ZNF365: variants seen among roughly 807,000 people sequenced by gnomAD.
ZNF365 encodes zinc finger protein 365, also known as protein ZNF365.
Under a neutral mutation model 35.0 loss-of-function variants are expected in ZNF365, and 22 were observed. That is an observed-to-expected ratio of 0.63 (90% CI 0.45 to 0.90). ZNF365 has a LOEUF of 0.90. Among genes scored for constraint, ZNF365 ranks in the 40% least tolerant of loss-of-function variants. The probability of loss-of-function intolerance (pLI) is 0.00; values close to 1 mark genes in which losing one functional copy is unlikely to be tolerated. For synonymous variants in ZNF365, 188 were observed against 196.2 expected (o/e 0.96, Z 0.35); for missense variants, 448 against 500.3 (o/e 0.90, Z 1.00).
intron 4 of ZNF365, among the ~76,000 whole-genome samples, chr10:62,462,743 G>A (rs944732839): frequency 3.3e-5 from 5 of 152,100 alleles, no homozygotes; most frequent in Admixed American, 3.3e-4. Flanking sequence ...TTGGTGGGCT[G>A]GTTACTCAGA....
rs1017674019 is a variant in ZNF365 at position 62,376,342 on chromosome 10, G to A, written c.149G>A (p.Ser50Asn). The change falls in exon 2 of 5, where the codon AGT (serine) becomes AAT (asparagine). Residue 50 changes from serine (S) to asparagine (N), a missense_variant. Physicochemically the swap from Ser to Asn is conservative, Grantham distance 46. Transcript: ENST00000395254. Reference sequence around the variant, plus strand: ...TCCTTGAGGGCCCATCTGGAGTTCAGTCACAGCTACGAAGAAAGAACCCTC... The same window carrying A: ...TCCTTGAGGGCCCATCTGGAGTTCAATCACAGCTACGAAGAAAGAACCCTC... ...LSSLRAHLEF[S>N]HSYEERTLLT... The A allele has an allele frequency of 1.9e-6, 3 of 1,614,050 alleles. No individual in the cohort carries two copies. The highest frequency in any genetic ancestry group is 1.7e-5 in the Admixed American group (1 of 59,996).
chr10:62,383,607 G>A (rs754561051), intron 2 of ZNF365, among the ~76,000 whole-genome samples: 12 of 152,214 alleles, frequency 7.9e-5, no homozygotes, highest in Non-Finnish European at 1.3e-4. Flanking sequence ...TCATTAAAAT[G>A]CATAGTTCAA....
At chr10:62,464,873 A>G (rs1840912174) in intron 4 of ZNF365, among the ~76,000 whole-genome samples, 1 of 152,224 alleles carries the variant, frequency 6.6e-6, no homozygotes, top group African/African-American at 2.4e-5. Context: ...TGGAGTGGCC[A>G]CTACAAGGAT....
At chr10:62,436,019 A>G (rs17312431) in intron 3 of ZNF365, among the ~76,000 whole-genome samples, 18,561 of 152,132 alleles carry the variant, frequency 0.12, 1,215 homozygotes, top group Middle Eastern at 0.16. Flanking sequence ...CAAAATTTTT[A>G]CTTCATGGGT....
rs550092708 is a variant in ZNF365, at chr10:62,382,476, A to G, written c.743+5540A>G. ...AGGGTTGGCACATGGTAAAATTCGG[A>G]AACCCAGGAAAGTTTTCAATTTCTA... is the stretch of plus-strand genomic sequence containing the variant. On this transcript the variant is annotated intron_variant, in intron 2 of 4. Coordinates refer to ENST00000395254, the MANE Select transcript of ZNF365 (RefSeq NM_014951.3). Among the ~76,000 whole-genome samples, 4 of 152,294 alleles carry G rather than the reference A, an allele frequency of 2.6e-5. No individual in the cohort carries two copies. The South Asian group carries it at 8.3e-4, about 32-fold the overall frequency.
chr10:62,376,156 A>G, intron 1 of ZNF365, 25 bp from the exon 2 acceptor site: 1 of 1,606,654 alleles, frequency 6.2e-7, no homozygotes, highest in Non-Finnish European at 8.5e-7. Context: ...GCCGACTTGT[A>G]AACTACCTAT....
At chr10:62,389,270 G>A (rs2132418832) in intron 3 of ZNF365, among the ~76,000 whole-genome samples, 1 of 147,112 alleles carries the variant, frequency 6.8e-6, no homozygotes, top group Non-Finnish European at 1.5e-5. Flanking sequence ...CATACTCTAG[G>A]TCGATGGGGG....
rs559037068 is a variant in ZNF365 at position 62,436,147 on chromosome 10, G to C, written c.925-23594G>C. Among the ~76,000 whole-genome samples the C allele has an allele frequency of 8.6e-5, 13 of 151,970 alleles. No homozygotes were observed. The East Asian group carries it at 2.5e-3, about 29-fold the overall frequency. On this transcript the variant is annotated intron_variant, in intron 3 of 4. Transcript: ENST00000395255. ...GAGTTTCACTTATATATATATAAAGGAGCCACCACCATCTAATGTATTATA... is the reference window on the plus strand; with the variant it reads ...GAGTTTCACTTATATATATATAAAGCAGCCACCACCATCTAATGTATTATA...
At chr10:62,384,708 C>T (rs144888656) in intron 2 of ZNF365, among the ~76,000 whole-genome samples, 119 of 152,306 alleles carry the variant, frequency 7.8e-4, no homozygotes, top group Admixed American at 2.0e-3. Context: ...TGCTTTGATG[C>T]TGTGCCAAAT....
chr10:62,452,547 A>C (rs10995163), intron 3 of ZNF365, among the ~76,000 whole-genome samples: 3,398 of 152,336 alleles, frequency 0.022, 56 homozygotes, highest in Non-Finnish European at 0.033. Flanking sequence ...ATATTAAGTT[A>C]TTGCACATCT....
chr10:62,377,064 A>G (rs1185797087), intron 2 of ZNF365, 128 bp downstream of exon 2: 12 of 1,245,150 alleles, frequency 9.6e-6, no homozygotes, highest in Non-Finnish European at 1.3e-5. Context: ...TCTTATTGAT[A>G]TAGTTGAACC....
At chr10:62,431,165 T>G (rs1054535709) in intron 3 of ZNF365, among the ~76,000 whole-genome samples, 1 of 152,186 alleles carries the variant, frequency 6.6e-6, no homozygotes, top group Admixed American at 6.5e-5. Flanking sequence ...ATAGGTCAAA[T>G]CTATTAATTT....
intron 2 of ZNF365, among the ~76,000 whole-genome samples, chr10:62,377,697 G>A (rs1407304033): frequency 6.6e-6 from 1 of 152,148 alleles, no homozygotes; most frequent in Non-Finnish European, 1.5e-5. Flanking sequence ...TTATCAGTAA[G>A]TATAGATTTA....
chr10:62,406,910 C>T (rs945978731), downstream of ZNF365, among the ~76,000 whole-genome samples: 14 of 152,150 alleles, frequency 9.2e-5, no homozygotes, highest in Non-Finnish European at 1.5e-4. Flanking sequence ...CTGGGCCTGC[C>T]GCTGTGTAGA....
intron 3 of ZNF365, among the ~76,000 whole-genome samples, chr10:62,441,268 C>T (rs189269280): frequency 6.6e-6 from 1 of 152,140 alleles, no homozygotes; most frequent in African/African-American, 2.4e-5. Flanking sequence ...TACTTAGAAC[C>T]ATTCTACACC....
At chr10:62,444,481 C>T (rs559451476) in intron 3 of ZNF365, among the ~76,000 whole-genome samples, 1 of 152,194 alleles carries the variant, frequency 6.6e-6, no homozygotes, top group South Asian at 2.1e-4. Context: ...ATTGTCTTGG[C>T]CCTGGGCCCC....
chr10:62,424,888 G>A (rs1432634203), intron 3 of ZNF365, among the ~76,000 whole-genome samples: 1 of 152,194 alleles, frequency 6.6e-6, no homozygotes, highest in African/African-American at 2.4e-5. Context: ...CTGGATACCT[G>A]TAATTATCTT....
chr10:62,421,972 C>T (rs1053301720), intron 3 of ZNF365, among the ~76,000 whole-genome samples: 1 of 152,184 alleles, frequency 6.6e-6, no homozygotes, highest in African/African-American at 2.4e-5. Context: ...AAGCAGCTTC[C>T]TCTTATCTGC....
intron 3 of ZNF365, among the ~76,000 whole-genome samples, chr10:62,423,519 T>C (rs1014804157): frequency 1.3e-5 from 2 of 152,218 alleles, no homozygotes; most frequent in Non-Finnish European, 2.9e-5. Flanking sequence ...ATATTAGTTT[T>C]GATAGCCAGG....
Sources: allele counts gnomAD v4.1 joint callset (sites outside exome capture counted in the v4.1 genomes callset), GRCh38; gene constraint gnomAD v4.1.1; transcripts MANE v1.5; gene names NCBI Gene and HGNC (gene_info 2026-07-23, HGNC 2026-07-21).